NCOA1: variants seen among roughly 807,000 people sequenced by gnomAD.
NCOA1 encodes nuclear receptor coactivator 1, also known as Hin-2 protein.
NCOA1 carries 35 observed loss-of-function variants against 150.9 expected under a neutral mutation model. That is an observed-to-expected ratio of 0.23 (90% confidence interval 0.18 to 0.31). The LOEUF (loss-of-function observed/expected upper bound fraction) is 0.31. Ranked by LOEUF, NCOA1 falls within the 10% of genes least tolerant of loss-of-function variation. The probability of loss-of-function intolerance (pLI) is 1.00; values close to 1 mark genes in which losing one functional copy is unlikely to be tolerated. For synonymous variants in NCOA1, 590 were observed against 630.0 expected, an observed-to-expected ratio of 0.94 and a Z score of 0.95; for missense variants, 1,491 against 1,749.3, an observed-to-expected ratio of 0.85 and a Z score of 2.63.
intron 4 of NCOA1, among the ~76,000 whole-genome samples, chr2:24,652,337 A>G (rs994560474): frequency 2.0e-5 from 3 of 152,088 alleles, no homozygotes; most frequent in African/African-American, 7.2e-5. Context: ...AGTTTGAGAA[A>G]CATTTTTTTG....
intron 14 of NCOA1, 191 bp downstream of exon 14, chr2:24,711,302 C>A (rs1402812111): frequency 3.8e-6 from 2 of 526,828 alleles, no homozygotes; most frequent in South Asian, 3.9e-5. Flanking sequence ...TAAATTATGA[C>A]CTCTATCCTT....
chr2:24,507,394 A>C (rs1008936443), intron 1 of NCOA1, among the ~76,000 whole-genome samples: 62 of 147,332 alleles, frequency 4.2e-4, no homozygotes, highest in African/African-American at 1.6e-3. Flanking sequence ...TGCTGAGGTC[A>C]TGCCAGGTCC....
At chr2:24,678,329 A>T (rs1465754437) in intron 7 of NCOA1, among the ~76,000 whole-genome samples, 2 of 152,144 alleles carry the variant, frequency 1.3e-5, no homozygotes, top group African/African-American at 4.8e-5. Context: ...TGCTATTGTG[A>T]ATAGTGCTGT....
intron 2 of NCOA1, among the ~76,000 whole-genome samples, chr2:24,582,281 A>G (rs1236551025): frequency 6.6e-6 from 1 of 152,214 alleles, no homozygotes; most frequent in Admixed American, 6.5e-5. Context: ...ATACAAAATC[A>G]ACATACAAAA....
At chr2:24,680,661 A>T (rs1229139848) in intron 7 of NCOA1, among the ~76,000 whole-genome samples, 1 of 152,218 alleles carries the variant, frequency 6.6e-6, no homozygotes, top group Non-Finnish European at 1.5e-5. Flanking sequence ...ATTGAACATT[A>T]TGGTGACTGT....
chr2:24,705,202 C>A lies in NCOA1; in HGVS notation c.1066C>A (p.Pro356Thr), dbSNP rs772065348. 5.6e-6 allele frequency: 9 copies of A among 1,613,884 alleles called. No homozygotes were observed. In the Admixed American group the frequency reaches 1.3e-4, roughly 24 times the overall value. ...CTACCCTCAAAGTCCAGACATGCAA[C>A]CTTTCATCATGGGAATTCATATCAT... The part of the protein sequence containing the change: ...LCYPQSPDMQ[P>T]FIMGIHIIDR... Residue 356 changes from proline (P) to threonine (T), a missense_variant, in exon 12 of 23, where the codon CCT (proline) becomes ACT (threonine). Pro to Thr is a conservative substitution (Grantham distance 38). Coordinates refer to ENST00000348332, the MANE Select transcript of NCOA1 (RefSeq NM_003743.5).
chr2:24,720,708 G>A (rs1025390469), intron 14 of NCOA1, among the ~76,000 whole-genome samples: 28 of 151,866 alleles, frequency 1.8e-4, no homozygotes, highest in African/African-American at 6.8e-4. Flanking sequence ...GATTGCAGAA[G>A]GAAAAAGAAA....
chr2:24,532,090 C>G (rs1229112256), intron 1 of NCOA1, among the ~76,000 whole-genome samples: 1 of 152,160 alleles, frequency 6.6e-6, no homozygotes, highest in Non-Finnish European at 1.5e-5. Context: ...AAATGTGTTC[C>G]TATTTCTCCA....
At chr2:24,560,694 GT>G in intron 1 of NCOA1, among the ~76,000 whole-genome samples, 1 of 152,270 alleles carries the variant, frequency 6.6e-6, no homozygotes, top group South Asian at 2.1e-4. Context: ...TGTAGAATGT[GT>G]TTTACTTTTT....
chr2:24,613,933 C>T (rs1194205568), intron 3 of NCOA1, among the ~76,000 whole-genome samples: 1 of 152,126 alleles, frequency 6.6e-6, no homozygotes, highest in African/African-American at 2.4e-5. Context: ...GCACCAAATC[C>T]TCATGATGTC....
Position 24,706,982 on chromosome 2 carries a change from A to G in NCOA1, c.1512A>G (p.Pro504=). 6.2e-7 allele frequency: 1 copy of G among 1,614,096 alleles called. No individual in the cohort carries two copies. The highest frequency in any genetic ancestry group is 1.1e-5 in the South Asian group (1 of 91,076). Residue 504 remains proline, a synonymous_variant, in exon 13 of 23, where the codon CCA becomes CCG. Transcript: ENST00000348332. ...GATTGGCAACAAGGCCCAGGATGCCAAACAATTCCTTTCCTCCTAATATTT... is the reference window on the plus strand; with the variant it reads ...GATTGGCAACAAGGCCCAGGATGCCGAACAATTCCTTTCCTCCTAATATTT... ...TSGLATRPRM[P]NNSFPPNIST...
At chr2:24,685,912 G>A (rs1338018657) in intron 8 of NCOA1, among the ~76,000 whole-genome samples, 1 of 152,176 alleles carries the variant, frequency 6.6e-6, no homozygotes, top group Non-Finnish European at 1.5e-5. Flanking sequence ...TCCTTTCATA[G>A]TGTGCTCTTA....
At chr2:24,697,941 G>A in intron 11 of NCOA1, 143 bp downstream of exon 11, 1 of 879,562 alleles carries the variant, frequency 1.1e-6, no homozygotes, top group Non-Finnish European at 1.7e-6. Flanking sequence ...GAAGAAATGG[G>A]TAAGCAAAGT....
chr2:24,685,640 C>T (rs535828060), intron 8 of NCOA1, among the ~76,000 whole-genome samples: 3 of 152,288 alleles, frequency 2.0e-5, no homozygotes, highest in South Asian at 4.1e-4. Context: ...TAATTAGCAG[C>T]GTGACCTTGA....
At chr2:24,560,435 AT>A (rs948512590) in intron 1 of NCOA1, among the ~76,000 whole-genome samples, 1 of 151,438 alleles carries the variant, frequency 6.6e-6, no homozygotes, top group South Asian at 2.1e-4. Context: ...TATGGATATG[AT>A]TTTTTTTTCT....
intron 14 of NCOA1, among the ~76,000 whole-genome samples, chr2:24,715,677 T>C (rs934627871): frequency 1.9e-4 from 29 of 152,302 alleles, no homozygotes; most frequent in Non-Finnish European, 2.2e-4. Flanking sequence ...AAATTTTAGA[T>C]GGAATAACAT....
rs139950961 is a variant in NCOA1 at position 24,752,929 on chromosome 2, T to G, written c.3881+773T>G. ...GCTGCTGAACTTTTCACACATCACT[T>G]TGAGTTTTATAAGGATTTTAATTTG... On this transcript the variant is annotated intron_variant, in intron 20 of 22. Coordinates refer to ENST00000348332, the MANE Select transcript of NCOA1 (RefSeq NM_003743.5). 4.3e-3 allele frequency among the ~76,000 whole-genome samples: 657 copies of G among 152,240 alleles called. 12 individuals are homozygous for G. Among genetic ancestry groups the G allele is most frequent in the Admixed American group, 0.011 (161 of 15,296 alleles).
At chr2:24,684,377 A>T (rs1672310868) in intron 8 of NCOA1, among the ~76,000 whole-genome samples, 2 of 152,110 alleles carry the variant, frequency 1.3e-5, no homozygotes, top group Admixed American at 1.3e-4. Flanking sequence ...CTGTTTTCTG[A>T]CTCCTGAAGA....
intron 14 of NCOA1, among the ~76,000 whole-genome samples, chr2:24,722,207 T>G (rs527908880): frequency 6.6e-6 from 1 of 152,162 alleles, no homozygotes; most frequent in African/African-American, 2.4e-5. Context: ...ATGTTGTGTG[T>G]ATGCACACAC....
Sources: gnomAD v4.1 joint callset for allele counts (sites outside exome capture counted in the v4.1 genomes callset) on GRCh38, gnomAD v4.1.1 for gene constraint, MANE v1.5 for transcripts, NCBI Gene and HGNC (gene_info 2026-07-23, HGNC 2026-07-21) for gene names.